EFHB: variants seen among roughly 807,000 people sequenced by gnomAD.
The protein encoded by EFHB is EF-hand domain-containing family member B.
A neutral mutation model predicts 87.2 loss-of-function variants in EFHB; 91 were observed. The observed-to-expected ratio is 1.04, with a 90% CI of 0.88 to 1.24. EFHB has a LOEUF of 1.24. EFHB is among the 50% of genes most tolerant of loss of function. The pLI is 0.00. For missense variants in EFHB, 1,084 were observed against 998.8 expected, an observed-to-expected ratio of 1.09 and a Z score of -1.15; for synonymous variants, 325 against 333.6, an observed-to-expected ratio of 0.97 and a Z score of 0.28.
At chr3:19,936,377 A>G (rs1416187264), upstream of EFHB, 1 of 533,344 alleles carries the variant, frequency 1.9e-6, no homozygotes, top group Non-Finnish European at 3.3e-6. Flanking sequence ...ATGCATGGGT[A>G]ACACAGTGAG....
rs150140719 is a variant in EFHB, at chr3:19,896,697, T to G, written c.1715A>C (p.His572Pro). Reference protein sequence around the residue: ...KFDTLLAAFRHYDKKGDGMID... With the variant: ...KFDTLLAAFRPYDKKGDGMID... ...TCCCCCATTACTGGCCTTGTCATAG[T>G]GCCTGAAGGCTGCCAGCAAAGTGTC... The change falls in exon 9 of 13, where the codon CAC becomes CCC. Residue 572 changes from histidine to proline, a missense_variant. By Grantham distance (77) the His-to-Pro change is moderately conservative. Transcript: ENST00000295824. The G allele has an allele frequency of 1.1e-5, 17 of 1,613,916 alleles. No individual in the cohort carries two copies. The highest frequency in any genetic ancestry group is 1.4e-5 in the Non-Finnish European group (17 of 1,179,892).
intron 9 of EFHB, among the ~76,000 whole-genome samples, chr3:19,890,133 C>G (rs533624069): frequency 6.6e-6 from 1 of 152,290 alleles, no homozygotes; most frequent in South Asian, 2.1e-4. Flanking sequence ...GCCTAATATG[C>G]AGGGCTTTGT....
chr3:19,924,985 C>T (rs566502576), intron 1 of EFHB, among the ~76,000 whole-genome samples: 1 of 152,252 alleles, frequency 6.6e-6, no homozygotes, highest in East Asian at 1.9e-4. Context: ...GTGGCTCACA[C>T]CTGTAATCCC....
At position 19,882,552 on chromosome 3, in the gene EFHB, C is replaced by T. The variant is rs2125122152; in HGVS notation, c.2326G>A (p.Glu776Lys). ...RDFFKTRSKE[E>K]IAEILCNIGV... ...TTTTGTATGCTTATATGCTATACCT[C>T]TTCTTTTGATCTGGTCTTGAAGAAG... The change falls in exon 12 of 13, where the codon GAG becomes AAG. Residue 776 changes from glutamate to lysine, a missense_variant and splice_region_variant. By Grantham distance (56) the Glu-to-Lys change is moderately conservative. Transcript: ENST00000295824. The T allele has an allele frequency of 6.3e-7, 1 of 1,595,006 alleles. No individual in the cohort carries two copies. Among genetic ancestry groups the T allele is most frequent in the Non-Finnish European group, 8.6e-7 (1 of 1,168,644 alleles).
chr3:19,904,246 C>T (rs1694765621), intron 6 of EFHB, among the ~76,000 whole-genome samples: 1 of 152,188 alleles, frequency 6.6e-6, no homozygotes, highest in South Asian at 2.1e-4. Flanking sequence ...TAAGAAATTA[C>T]CAAAAACTGA....
intron 3 of EFHB, among the ~76,000 whole-genome samples, chr3:19,919,103 AG>A (rs1213819431): frequency 6.6e-6 from 1 of 152,176 alleles, no homozygotes; most frequent in African/African-American, 2.4e-5. Flanking sequence ...TTCAATCAAT[AG>A]CAGATAACCA....
At chr3:19,940,063 G>T (rs2364515) in intron 1 of EFHB, among the ~76,000 whole-genome samples, 1 of 152,044 alleles carries the variant, frequency 6.6e-6, no homozygotes, top group Admixed American at 6.5e-5. Flanking sequence ...GGAATGATCT[G>T]TCCAATTCCT....
chr3:19,894,912 A>C (rs1015824353), intron 9 of EFHB: 2 of 151,658 alleles, frequency 1.3e-5, no homozygotes, highest in African/African-American at 4.8e-5. Context: ...TGAACCTAGG[A>C]GGCGGAGGTT....
At chr3:19,927,367 T>C (rs1486498476) in intron 1 of EFHB, among the ~76,000 whole-genome samples, 1 of 152,326 alleles carries the variant, frequency 6.6e-6, no homozygotes, top group Non-Finnish European at 1.5e-5. Context: ...ATCTTTTTGA[T>C]TGTTTAAGAA....
intron 1 of EFHB, among the ~76,000 whole-genome samples, chr3:19,931,871 T>C (rs977611128): frequency 2.0e-5 from 3 of 152,208 alleles, no homozygotes; most frequent in Admixed American, 2.0e-4. Context: ...CTTATTGACA[T>C]CTTTTTCACT....
At position 19,934,186 on chromosome 3, in the gene EFHB, T is replaced by C. The variant is rs1377392857; in HGVS notation, c.-168A>G. On this transcript the variant is annotated 5_prime_UTR_variant, in exon 1 of 13. Transcript: ENST00000295824. ...TGCTTCCTGCCTGCCTCTTAACACC[T>C]AGCCGAGTTCACAGAGGAAAAGATG... 10 of 1,439,972 alleles carry C rather than the reference T, an allele frequency of 6.9e-6. No homozygotes were observed. In the African/African-American group the frequency reaches 1.1e-4, roughly 17 times the overall value. The allele number at this position is 1,439,972 out of a possible 1,614,324, so 89.2% of individuals were successfully genotyped here.
intron 1 of EFHB, chr3:19,942,924 A>G (rs1696192641): frequency 6.3e-6 from 1 of 158,698 alleles, no homozygotes; most frequent in Non-Finnish European, 1.4e-5. Context: ...AACAGGCCAC[A>G]GTCCAGTACC....
At chr3:19,936,251 G>T, upstream of EFHB, 1 of 737,956 alleles carries the variant, frequency 1.4e-6, no homozygotes, top group Non-Finnish European at 2.4e-6. Flanking sequence ...CTGAGAGGCT[G>T]AAGTGGGAGG....
At chr3:19,918,516 G>A in intron 3 of EFHB, 104 bp from the exon 4 acceptor site, 2 of 1,087,010 alleles carry the variant, frequency 1.8e-6, no homozygotes, top group Non-Finnish European at 2.5e-6. Flanking sequence ...ACGATTGTGG[G>A]AAAACATTTC....
intron 4 of EFHB, 110 bp downstream of exon 4, chr3:19,918,122 T>C: frequency 8.7e-7 from 1 of 1,153,350 alleles, no homozygotes; most frequent in Non-Finnish European, 1.2e-6. Flanking sequence ...CCTTCTTGAG[T>C]CATCGTTTAC....
At chr3:19,934,448 T>TCTCTCC (rs1559477216), upstream of EFHB, among the ~76,000 whole-genome samples, 1 of 145,576 alleles carries the variant, frequency 6.9e-6, no homozygotes, top group Non-Finnish European at 1.5e-5. Flanking sequence ...TCCCTCTCTC[T>TCTCTCC]CCCTCTCTGT....
At chr3:19,923,715 AAGGG>A (rs1249308563) in intron 1 of EFHB, among the ~76,000 whole-genome samples, 3 of 152,142 alleles carry the variant, frequency 2.0e-5, no homozygotes, top group Non-Finnish European at 4.4e-5. Flanking sequence ...TCCAGTTTGA[AAGGG>A]AGGGGCAAAA....
In EFHB at chr3:19,933,768, A is replaced by T; in HGVS notation, c.251T>A (p.Met84Lys). Residue 84 changes from methionine (M) to lysine (K), a missense_variant, in exon 1 of 13, where the codon ATG (methionine) becomes AAG (lysine). Transcript: ENST00000295824. ...LERQNISRTV[M>K]QRGSLGVDSV... ...GTCGACTCCTAAACTACCCCTCTGC[A>T]TGACAGTCCTAGAAATATTCTGTCT... 6.2e-7 allele frequency: 1 copy of T among 1,614,018 alleles called. No individual in the cohort carries two copies. The highest frequency in any genetic ancestry group is 1.1e-5 in the South Asian group (1 of 91,084).
At chr3:19,891,529 C>T (rs1694305116) in intron 9 of EFHB, among the ~76,000 whole-genome samples, 1 of 152,158 alleles carries the variant, frequency 6.6e-6, no homozygotes, top group African/African-American at 2.4e-5. Flanking sequence ...AACTAAAGGC[C>T]ATTCTCATGG....
Sources: gnomAD v4.1 joint callset for allele counts (sites outside exome capture counted in the v4.1 genomes callset) on GRCh38, gnomAD v4.1.1 for gene constraint, MANE v1.5 for transcripts, NCBI Gene and HGNC (gene_info 2026-07-23, HGNC 2026-07-21) for gene names.